The following STX8 variants were observed in gnomAD, a reference collection of about 807,000 sequenced individuals.
STX8 encodes the protein syntaxin 8.
A neutral mutation model predicts 37.5 loss-of-function variants in STX8; 23 were observed. That is an observed-to-expected ratio of 0.61 (90% CI 0.44 to 0.87). The LOEUF (loss-of-function observed/expected upper bound fraction) is 0.87. Among genes scored for constraint, STX8 ranks in the 40% least tolerant of loss-of-function variants. The pLI, the probability that STX8 is intolerant of heterozygous loss-of-function variation, is 0.00. For synonymous variants in STX8, 115 were observed against 99.1 expected (o/e 1.16, Z -0.95); for missense variants, 313 against 284.7 (o/e 1.10, Z -0.71).
intron 6 of STX8, among the ~76,000 whole-genome samples, chr17:9,416,928 T>G (rs1056513649): frequency 2.4e-4 from 37 of 152,244 alleles, no homozygotes; most frequent in African/African-American, 8.4e-4. Flanking sequence ...TTTTGAGATG[T>G]TTTTTCAGAT....
chr17:9,444,482 A>C (rs1442693840), intron 6 of STX8, among the ~76,000 whole-genome samples: 1 of 152,148 alleles, frequency 6.6e-6, no homozygotes, highest in Non-Finnish European at 1.5e-5. Flanking sequence ...GTCCTTCCTT[A>C]ATTAATAATA....
chr17:9,258,533 G>A (rs565526963), intron 7 of STX8, among the ~76,000 whole-genome samples: 5 of 152,340 alleles, frequency 3.3e-5, no homozygotes, highest in Admixed American at 1.3e-4. Flanking sequence ...GCTCAGCTGC[G>A]CCAGGGGAAA....
At chr17:9,332,816 G>A (rs1910006390) in intron 7 of STX8, among the ~76,000 whole-genome samples, 1 of 152,060 alleles carries the variant, frequency 6.6e-6, no homozygotes, top group Non-Finnish European at 1.5e-5. Context: ...AGCTCCCTGA[G>A]GGCAGGGACC....
chr17:9,470,146 T>C (rs1905787935), intron 6 of STX8: 1 of 152,350 alleles, frequency 6.6e-6, no homozygotes, highest in African/African-American at 2.4e-5. Context: ...TCCTTATCAC[T>C]GCATTCAAAA....
intron 4 of STX8, chr17:9,540,625 A>G (rs1464468635): frequency 6.6e-6 from 1 of 152,226 alleles, no homozygotes; most frequent in Non-Finnish European, 1.5e-5. Flanking sequence ...GCTCTTGGCC[A>G]GACTCCATGT....
intron 7 of STX8, among the ~76,000 whole-genome samples, chr17:9,293,229 C>T (rs183885109): frequency 6.6e-6 from 1 of 152,238 alleles, no homozygotes; most frequent in East Asian, 1.9e-4. Flanking sequence ...CACAAATCTC[C>T]CAATGTTGGG....
At chr17:9,274,047 C>A (rs2041975783) in intron 7 of STX8, among the ~76,000 whole-genome samples, 2 of 152,134 alleles carry the variant, frequency 1.3e-5, no homozygotes, top group Admixed American at 1.3e-4. Flanking sequence ...GGGAAATGAC[C>A]ATAACCGGTA....
intron 7 of STX8, among the ~76,000 whole-genome samples, chr17:9,359,174 C>T (rs1281011291): frequency 3.9e-5 from 6 of 151,970 alleles, no homozygotes; most frequent in African/African-American, 1.5e-4. Flanking sequence ...TCCCAAATAG[C>T]TGGGATTACA....
intron 7 of STX8, among the ~76,000 whole-genome samples, chr17:9,345,521 G>C (rs983594374): frequency 6.6e-6 from 1 of 152,034 alleles, no homozygotes; most frequent in Non-Finnish European, 1.5e-5. Flanking sequence ...CTCTAAATGA[G>C]AGCACAATTA....
intron 3 of STX8, among the ~76,000 whole-genome samples, chr17:9,546,591 GTTTTTTTTTT>G (rs386385626): frequency 7.7e-4 from 40 of 52,220 alleles, no homozygotes; most frequent in African/African-American, 2.9e-3. Context: ...TACAAAAGTG[GTTTTTTTTTT>G]TTTTTTTTTT....
intron 7 of STX8, among the ~76,000 whole-genome samples, chr17:9,281,190 G>A (rs1338544691): frequency 2.0e-5 from 3 of 152,212 alleles, no homozygotes; most frequent in Admixed American, 6.5e-5. Context: ...GGAAGTGACA[G>A]GAGTGATCCA....
chr17:9,251,988 A>AC (rs538665535), intron 7 of STX8, among the ~76,000 whole-genome samples: 1 of 148,810 alleles, frequency 6.7e-6, no homozygotes, highest in African/African-American at 2.5e-5. Context: ...ACATGGTGAA[A>AC]CCCCATCTCT....
Position 9,351,090 on chromosome 17 carries a change from T to C in STX8, c.643+27462A>G, listed in dbSNP as rs74252699. Among the ~76,000 whole-genome samples the C allele has an allele frequency of 1.6e-3, 239 of 151,982 alleles. 4 individuals carry two copies. Among genetic ancestry groups the C allele is most frequent in the Admixed American group, 0.011 (168 of 15,248 alleles). The stretch of plus-strand genomic sequence containing the variant: ...GAAAAGATAGTATAATGAACATCTA[T>C]ATAGGCCAATGTTAAATGGTGAATA... On this transcript the variant is annotated intron_variant, in intron 7 of 7. Coordinates refer to ENST00000306357, the MANE Select transcript of STX8 (RefSeq NM_004853.3).
intron 6 of STX8, among the ~76,000 whole-genome samples, chr17:9,391,720 G>GA (rs1306139825): frequency 3.9e-4 from 53 of 136,636 alleles, no homozygotes; most frequent in African/African-American, 7.5e-4. Flanking sequence ...AAGAGAGAGA[G>GA]AAAAAAAAAA....
At chr17:9,384,827 C>A (rs1032412337) in intron 6 of STX8, among the ~76,000 whole-genome samples, 4 of 100,852 alleles carry the variant, frequency 4.0e-5, no homozygotes, top group South Asian at 2.9e-4. Context: ...TGTACATGCA[C>A]ACACGCACGT....
chr17:9,274,315 G>GT (rs1907578362), intron 7 of STX8, among the ~76,000 whole-genome samples: 1 of 151,904 alleles, frequency 6.6e-6, no homozygotes, highest in Non-Finnish European at 1.5e-5. Flanking sequence ...ACTTCCTGCA[G>GT]TAAAAAAAAG....
chr17:9,395,276 C>T (rs540178089), intron 6 of STX8, among the ~76,000 whole-genome samples: 1 of 151,960 alleles, frequency 6.6e-6, no homozygotes, highest in African/African-American at 2.4e-5. Flanking sequence ...GAAGACAATG[C>T]GTGTTTTGGG....
At chr17:9,540,295 T>C (rs986165623) in intron 4 of STX8, among the ~76,000 whole-genome samples, 1 of 152,238 alleles carries the variant, frequency 6.6e-6, no homozygotes, top group Non-Finnish European at 1.5e-5. Context: ...GCTGGGTATT[T>C]GTTCTCATGG....
At chr17:9,562,924 T>C (rs1186389942) in intron 2 of STX8, among the ~76,000 whole-genome samples, 1 of 152,054 alleles carries the variant, frequency 6.6e-6, no homozygotes, top group Non-Finnish European at 1.5e-5. Context: ...ATAATTTTTT[T>C]AAAGGACAAG....
Sources: gnomAD v4.1 joint callset for allele counts (sites outside exome capture counted in the v4.1 genomes callset) on GRCh38, gnomAD v4.1.1 for gene constraint, MANE v1.5 for transcripts, NCBI Gene and HGNC (gene_info 2026-07-23, HGNC 2026-07-21) for gene names.